The following SCN1A variants were observed in gnomAD, a reference collection of about 807,000 sequenced individuals.
SCN1A encodes sodium voltage-gated channel alpha subunit 1.
In SCN1A, 13 loss-of-function variants were observed where a neutral mutation model predicts 193.7. That is an observed-to-expected ratio of 0.07 (90% CI 0.04 to 0.11). The LOEUF is 0.11. Ranked by LOEUF, SCN1A falls within the 10% of genes least tolerant of loss-of-function variation. The pLI is 1.00. For synonymous variants in SCN1A, 781 were observed against 843.6 expected (o/e 0.93, Z 1.29); for missense variants, 1,432 against 2,451.1 (o/e 0.58, Z 8.78).
intron 15 of SCN1A, 22 bp from the exon 16 acceptor site, chr2:166,041,491 A>AG: frequency 7.0e-7 from 1 of 1,432,076 alleles, no homozygotes; most frequent in Non-Finnish European, 9.7e-7. Context: ...AAAAAAAAAA[A>AG]AAGAACCACC....
At chr2:166,144,853 GTT>G (rs76856475) in intron 1 of SCN1A, among the ~76,000 whole-genome samples, 35 of 138,582 alleles carry the variant, frequency 2.5e-4, no homozygotes, top group Non-Finnish European at 3.0e-4. Flanking sequence ...AAGGATCATG[GTT>G]TTTTTTTTTT....
chr2:166,039,370 C>T, intron 17 of SCN1A, 53 bp downstream of exon 17: 1 of 1,575,874 alleles, frequency 6.3e-7, no homozygotes. Flanking sequence ...TATGCAAGAA[C>T]CCTGATTGTT....
At chr2:166,029,702 G>A (rs1273441240) in intron 19 of SCN1A, among the ~76,000 whole-genome samples, 3 of 152,128 alleles carry the variant, frequency 2.0e-5, no homozygotes, top group African/African-American at 4.8e-5. Context: ...TAAATATGTT[G>A]TATGTGCTGT....
At chr2:166,047,220 T>C (rs1697950252) in intron 11 of SCN1A, among the ~76,000 whole-genome samples, 1 of 152,148 alleles carries the variant, frequency 6.6e-6, no homozygotes, top group Admixed American at 6.6e-5. Flanking sequence ...AAACAGTCAA[T>C]AAAATGCCAT....
rs1224672917 is a variant in SCN1A at position 165,992,904 on chromosome 2, C to T, written c.4853-482G>A. The T allele has an allele frequency of 6.5e-6, 1 of 153,080 alleles. No individual in the cohort carries two copies. Among genetic ancestry groups the T allele is most frequent in the Non-Finnish European group, 1.4e-5 (1 of 69,106 alleles). 9.5% of individuals were successfully genotyped at this position (153,080 alleles called of 1,614,324 possible). A position where few individuals can be genotyped will look rare whatever the true frequency, so the allele number is the denominator to read the frequency against. On this transcript the variant is annotated intron_variant, in intron 28 of 28. Coordinates refer to ENST00000674923, the MANE Select transcript of SCN1A (RefSeq NM_001165963.4). The surrounding 1 kb of genome is among the most constrained non-coding windows in gnomAD (Gnocchi z 6.5). Reference sequence around the variant, plus strand: ...ATGATCTTGGTACTTACTTAAATTCCACTCTAATATTTTTATATACTCATT... The same window carrying T: ...ATGATCTTGGTACTTACTTAAATTCTACTCTAATATTTTTATATACTCATT...
chr2:166,026,679 C>CTTTTTTTTTTTTTT, intron 19 of SCN1A, among the ~76,000 whole-genome samples: 239 of 97,652 alleles, frequency 2.4e-3, no homozygotes, highest in Middle Eastern at 6.0e-3. Flanking sequence ...TTCTTTCTTT[C>CTTTTTTTTTTTTTT]TTTTTTTTTT....
chr2:166,020,873 A>G (rs1311498691), intron 19 of SCN1A, among the ~76,000 whole-genome samples: 1 of 152,190 alleles, frequency 6.6e-6, no homozygotes, highest in Non-Finnish European at 1.5e-5. Context: ...AGTGCAGCTC[A>G]TGCTAAAACA....
intron 10 of SCN1A, 78 bp downstream of exon 10, chr2:166,048,808 C>CT: frequency 2.0e-6 from 2 of 980,894 alleles, no homozygotes; most frequent in Non-Finnish European, 3.3e-6. Context: ...TCTTCAGTTT[C>CT]TATAAAAAGA....
At chr2:166,113,179 A>C (rs1689480987) in intron 2 of SCN1A, among the ~76,000 whole-genome samples, 1 of 152,064 alleles carries the variant, frequency 6.6e-6, no homozygotes, top group South Asian at 2.1e-4. Context: ...GGGACACTCA[A>C]CTGGCTGTCA....
chr2:166,007,937 A>G (rs1316847118), intron 23 of SCN1A, among the ~76,000 whole-genome samples: 1 of 151,322 alleles, frequency 6.6e-6, no homozygotes, highest in Non-Finnish European at 1.5e-5. Context: ...CTAGAAGTAT[A>G]AAAAATAGAA....
At chr2:166,094,802 G>GCTCAATAATAACATTCAGAATGTTATTC (rs6147015) in intron 2 of SCN1A, among the ~76,000 whole-genome samples, 38,850 of 151,880 alleles carry the variant, frequency 0.26, 5,065 homozygotes, top group Non-Finnish European at 0.27. Flanking sequence ...AGGGTACAGG[G>GCTCAATAATAACATTCAGAATGTTATTC]CTATCAGAGA....
intron 2 of SCN1A, among the ~76,000 whole-genome samples, chr2:166,084,972 A>G (rs1685946490): frequency 6.6e-6 from 1 of 152,164 alleles, no homozygotes; most frequent in African/African-American, 2.4e-5. Context: ...TGCTAGGTGG[A>G]GAGTGCTAAG....
rs1216022727 is a variant in SCN1A, at chr2:165,991,430, C to T, written c.5845G>A (p.Gly1949Ser). The change falls in exon 29 of 29, where the codon GGT becomes AGT. Residue 1949 changes from glycine (G) to serine (S), a missense_variant. Transcript: ENST00000674923. Reference sequence around the variant, plus strand: ...TCTTTTATAAGAAGATTAGCCCCACCTTTGATTTTGTTTTTATTGTACGTA... The same window carrying T: ...TCTTTTATAAGAAGATTAGCCCCACTTTTGATTTTGTTTTTATTGTACGTA... ...SFTYNKNKIK[G>S]GANLLIKEDM... 3 of 1,613,750 alleles carry T rather than the reference C, an allele frequency of 1.9e-6. No homozygotes were observed. The Admixed American group carries it at 5.0e-5, about 27-fold the overall frequency.
intron 19 of SCN1A, among the ~76,000 whole-genome samples, chr2:166,029,386 G>A (rs1333172050): frequency 6.6e-6 from 1 of 152,096 alleles, no homozygotes; most frequent in Non-Finnish European, 1.5e-5. Context: ...GGAATGCAGA[G>A]AGGTGGACAA....
At chr2:166,039,371 C>G (rs970184765) in intron 17 of SCN1A, 52 bp downstream of exon 17, 8 of 1,579,258 alleles carry the variant, frequency 5.1e-6, no homozygotes, top group Admixed American at 1.7e-5. Context: ...ATGCAAGAAC[C>G]CTGATTGTTA....
intron 2 of SCN1A, among the ~76,000 whole-genome samples, chr2:166,082,346 A>G (rs1685617897): frequency 6.6e-6 from 1 of 151,958 alleles, no homozygotes; most frequent in Admixed American, 6.6e-5. Context: ...TAACTCCCAA[A>G]CCAGTGTCTG....
intron 19 of SCN1A, among the ~76,000 whole-genome samples, chr2:166,020,197 A>C (rs1249539203): frequency 6.6e-6 from 1 of 152,148 alleles, no homozygotes. Context: ...GGCGTGATCC[A>C]CCACGCCCGG....
intron 2 of SCN1A, among the ~76,000 whole-genome samples, chr2:166,114,223 G>T (rs1462742584): frequency 6.6e-6 from 1 of 152,122 alleles, no homozygotes; most frequent in Admixed American, 6.5e-5. Flanking sequence ...ACAATGCAAT[G>T]ATTTTCAGAG....
At chr2:166,011,850 A>G (rs573270335) in intron 22 of SCN1A, among the ~76,000 whole-genome samples, 6 of 151,288 alleles carry the variant, frequency 4.0e-5, no homozygotes, top group African/African-American at 1.4e-4. Context: ...TTTCCCTACA[A>G]ACTGCTGATG....
Sources: gnomAD v4.1 joint callset for allele counts (sites outside exome capture counted in the v4.1 genomes callset) on GRCh38, gnomAD v4.1.1 for gene constraint, Gnocchi (gnomAD v3.1) non-coding constraint, MANE v1.5 for transcripts, NCBI Gene and HGNC (gene_info 2026-07-23, HGNC 2026-07-21) for gene names.